The following MIR2052HG variants were observed in gnomAD, a reference collection of about 807,000 sequenced individuals.
MIR2052HG encodes MIR2052 host gene.
intron 1 of MIR2052HG, chr8:74,604,301 G>T (rs796197572): frequency 2.1e-5 from 15 of 714,118 alleles, no homozygotes; most frequent in South Asian, 5.7e-5. Flanking sequence ...GGTCACTGAT[G>T]GGGGGTGAAA....
chr8:74,708,852 C>A (rs1186679484), intron 4 of MIR2052HG, among the ~76,000 whole-genome samples: 4 of 150,158 alleles, frequency 2.7e-5, no homozygotes, highest in African/African-American at 9.8e-5. Flanking sequence ...ATTTTAAAAT[C>A]TAAATTTAAA....
intron 2 of MIR2052HG, among the ~76,000 whole-genome samples, chr8:74,671,552 C>G (rs1379199496): frequency 1.3e-5 from 2 of 152,044 alleles, no homozygotes; most frequent in Non-Finnish European, 2.9e-5. Flanking sequence ...ATTTTATGTT[C>G]TTTCTCATCT....
At chr8:74,682,356 C>T (rs535623720) in intron 2 of MIR2052HG, among the ~76,000 whole-genome samples, 6 of 151,836 alleles carry the variant, frequency 4.0e-5, no homozygotes, top group East Asian at 1.9e-4. Context: ...AAGACTAAAA[C>T]GTTAAAACCT....
intron 4 of MIR2052HG, among the ~76,000 whole-genome samples, chr8:74,727,704 C>T (rs1403509832): frequency 6.6e-6 from 1 of 152,056 alleles, no homozygotes; most frequent in East Asian, 1.9e-4. Context: ...ACTTGGTTAG[C>T]TACTGAAATC....
intron 2 of MIR2052HG, among the ~76,000 whole-genome samples, chr8:74,691,687 A>C (rs926937776): frequency 2.6e-5 from 4 of 152,230 alleles, no homozygotes; most frequent in African/African-American, 9.7e-5. Flanking sequence ...AGATTTGAGA[A>C]TATGAGGTGG....
intron 2 of MIR2052HG, among the ~76,000 whole-genome samples, chr8:74,649,305 T>C (rs1481330465): frequency 6.6e-6 from 1 of 152,186 alleles, no homozygotes; most frequent in Non-Finnish European, 1.5e-5. Context: ...GGATACATTT[T>C]TTTCTTGTCA....
chr8:74,639,256 C>G (rs1808613560), intron 2 of MIR2052HG, among the ~76,000 whole-genome samples: 1 of 152,116 alleles, frequency 6.6e-6, no homozygotes, highest in South Asian at 2.1e-4. Flanking sequence ...AGAATTCCAT[C>G]CACATTTTAA....
intron 4 of MIR2052HG, among the ~76,000 whole-genome samples, chr8:74,736,904 C>T (rs984462671): frequency 6.6e-6 from 1 of 152,174 alleles, no homozygotes; most frequent in Non-Finnish European, 1.5e-5. Flanking sequence ...AGGGCACTTA[C>T]ACTGAGGCAG....
At chr8:74,720,796 AGGCCTTTTACCATCAT>A (rs1809569717) in intron 4 of MIR2052HG, among the ~76,000 whole-genome samples, 1 of 152,126 alleles carries the variant, frequency 6.6e-6, no homozygotes, top group African/African-American at 2.4e-5. Flanking sequence ...ACAGTTCCAC[AGGCCTTTTACCATCAT>A]GGCGGAAAGC....
chr8:74,714,268 C>CT (rs1203244225), intron 4 of MIR2052HG, among the ~76,000 whole-genome samples: 1 of 152,144 alleles, frequency 6.6e-6, no homozygotes. Context: ...TTGATATGAG[C>CT]TTGGGTGGTC....
chr8:74,682,417 C>T (rs554057055), intron 2 of MIR2052HG, among the ~76,000 whole-genome samples: 1 of 151,970 alleles, frequency 6.6e-6, no homozygotes, highest in Admixed American at 6.6e-5. Context: ...GTATCAATAA[C>T]ATATAAAGAA....
intron 2 of MIR2052HG, among the ~76,000 whole-genome samples, chr8:74,634,234 T>C (rs1266877625): frequency 2.6e-5 from 4 of 152,086 alleles, no homozygotes; most frequent in Non-Finnish European, 4.4e-5. Context: ...TCAGTTTAGG[T>C]TGGAGAAAGG....
chr8:74,639,864 C>A (rs924697496), intron 2 of MIR2052HG, among the ~76,000 whole-genome samples: 1 of 151,848 alleles, frequency 6.6e-6, no homozygotes, highest in East Asian at 1.9e-4. Flanking sequence ...CTGATGTGGA[C>A]ATTTGTATCC....
chr8:74,612,453 C>T (rs1280884536), intron 1 of MIR2052HG: 1 of 167,550 alleles, frequency 6.0e-6, no homozygotes. Flanking sequence ...AACTGACATA[C>T]CTTAGCTTGG....
At chr8:74,677,471 A>C (rs1380422513) in intron 2 of MIR2052HG, among the ~76,000 whole-genome samples, 1 of 152,136 alleles carries the variant, frequency 6.6e-6, no homozygotes, top group Non-Finnish European at 1.5e-5. Context: ...AACTGATGTC[A>C]TGCAAACAAC....
chr8:74,684,200 T>C (rs1809155493), intron 2 of MIR2052HG, among the ~76,000 whole-genome samples: 1 of 152,056 alleles, frequency 6.6e-6, no homozygotes, highest in Admixed American at 6.6e-5. Context: ...CTCAGTGGCT[T>C]ACAATGGCAA....
At chr8:74,606,829 A>G (rs1042859257) in intron 1 of MIR2052HG, among the ~76,000 whole-genome samples, 2 of 152,202 alleles carry the variant, frequency 1.3e-5, no homozygotes, top group Admixed American at 6.5e-5. Flanking sequence ...TAAAAGTTTT[A>G]AAAAATTGTA....
At chr8:74,648,039 A>G (rs1563522349) in intron 2 of MIR2052HG, among the ~76,000 whole-genome samples, 2 of 152,182 alleles carry the variant, frequency 1.3e-5, no homozygotes, top group Admixed American at 6.5e-5. Context: ...CAGAATAACA[A>G]TGATTTTCAG....
Position 74,665,087 on chromosome 8 carries a change from G to A in MIR2052HG, n.217-37292G>A, listed in dbSNP as rs542112139. 3.3e-5 allele frequency among the ~76,000 whole-genome samples: 5 copies of A among 152,124 alleles called. No individual in the cohort carries two copies. The South Asian group carries it at 1.0e-3, about 32-fold the overall frequency. ...TTTCTGACACTCAGGATTCTTCTCT[G>A]CTTTCCTCGTTTATTCTTCCTACTG... On this transcript the variant is annotated intron_variant and non_coding_transcript_variant, in intron 2 of 6. Coordinates refer to ENST00000523442, the Ensembl canonical transcript of MIR2052HG.
Sources: allele counts gnomAD v4.1 joint callset (sites outside exome capture counted in the v4.1 genomes callset), GRCh38; gene constraint gnomAD v4.1.1; transcripts MANE v1.5; gene names NCBI Gene and HGNC (gene_info 2026-07-23, HGNC 2026-07-21).